Variants in ITGBL1 observed in about 807,000 individuals in gnomAD.
ITGBL1 encodes the protein integrin subunit beta like 1.
Under a neutral mutation model 68.5 loss-of-function variants are expected in ITGBL1, and 51 were observed. The ratio of observed to expected loss-of-function variants is 0.74; its 90% CI spans 0.59 to 0.94. ITGBL1 has a LOEUF of 0.94. Among genes scored for constraint, ITGBL1 ranks in the 40% least tolerant of loss-of-function variants. The pLI, the probability that ITGBL1 is intolerant of heterozygous loss-of-function variation, is 0.00. For synonymous variants in ITGBL1, 209 were observed against 227.3 expected (o/e 0.92, Z 0.72); for missense variants, 649 against 647.4 (o/e 1.00, Z -0.03).
chr13:101,553,285 A>G (rs2049950671), intron 2 of ITGBL1, among the ~76,000 whole-genome samples: 1 of 152,130 alleles, frequency 6.6e-6, no homozygotes, highest in Non-Finnish European at 1.5e-5. Flanking sequence ...AATTTTCAGG[A>G]TGGCCCTGGG....
chr13:101,504,710 A>G (rs1351085123), intron 2 of ITGBL1, among the ~76,000 whole-genome samples: 4 of 152,156 alleles, frequency 2.6e-5, no homozygotes, highest in Admixed American at 2.6e-4. Flanking sequence ...TATTCTGTGG[A>G]AAGATAATTT....
intron 7 of ITGBL1, among the ~76,000 whole-genome samples, chr13:101,671,880 T>C (rs1213987635): frequency 6.6e-6 from 1 of 152,214 alleles, no homozygotes; most frequent in Non-Finnish European, 1.5e-5. Context: ...AGAATCTGCT[T>C]TCTTTATAAC....
At chr13:101,550,225 T>TAAAC (rs2049898266) in intron 2 of ITGBL1, among the ~76,000 whole-genome samples, 1 of 152,206 alleles carries the variant, frequency 6.6e-6, no homozygotes, top group African/African-American at 2.4e-5. Flanking sequence ...TTTTCATGGC[T>TAAAC]GTTTGTTCAG....
chr13:101,608,505 G>C (rs1003561863), intron 7 of ITGBL1, among the ~76,000 whole-genome samples: 1 of 151,830 alleles, frequency 6.6e-6, no homozygotes, highest in Non-Finnish European at 1.5e-5. Flanking sequence ...AAATTTGGAA[G>C]TTCTCCAAAC....
intron 2 of ITGBL1, among the ~76,000 whole-genome samples, chr13:101,539,110 G>A (rs1244478826): frequency 7.7e-6 from 1 of 129,264 alleles, no homozygotes; most frequent in Non-Finnish European, 1.6e-5. Context: ...GTGCAAGTTA[G>A]TTACATATGT....
intron 6 of ITGBL1, among the ~76,000 whole-genome samples, chr13:101,595,174 C>A (rs1235044557): frequency 6.6e-6 from 1 of 152,172 alleles, no homozygotes; most frequent in Non-Finnish European, 1.5e-5. Context: ...AGCTTCTGTT[C>A]CTGGTGAGGT....
At chr13:101,563,224 C>T in intron 2 of ITGBL1, among the ~76,000 whole-genome samples, 1 of 150,748 alleles carries the variant, frequency 6.6e-6, no homozygotes, top group Middle Eastern at 3.5e-3. Flanking sequence ...TTAATTTATA[C>T]TTCTACCCTA....
At chr13:101,497,435 C>T (rs977149856) in intron 2 of ITGBL1, among the ~76,000 whole-genome samples, 1 of 152,162 alleles carries the variant, frequency 6.6e-6, no homozygotes, top group African/African-American at 2.4e-5. Context: ...CTTTTCCCTT[C>T]TACTCACCCC....
chr13:101,635,543 C>T (rs920073931), intron 7 of ITGBL1, among the ~76,000 whole-genome samples: 2 of 151,818 alleles, frequency 1.3e-5, no homozygotes, highest in Admixed American at 6.6e-5. Context: ...ATTATTTGCT[C>T]GTAGAGTCAA....
At chr13:101,580,563 A>G (rs2050439760) in intron 5 of ITGBL1, among the ~76,000 whole-genome samples, 1 of 152,134 alleles carries the variant, frequency 6.6e-6, no homozygotes, top group African/African-American at 2.4e-5. Context: ...TACATTAGGT[A>G]TATCTCCTAA....
At chr13:101,515,333 A>T (rs2049178461) in intron 2 of ITGBL1, among the ~76,000 whole-genome samples, 2 of 146,432 alleles carry the variant, frequency 1.4e-5, no homozygotes, top group Admixed American at 1.4e-4. Context: ...AACCCCGGGT[A>T]TTTTTTTTTT....
At chr13:101,472,593 G>A (rs912579358) in intron 2 of ITGBL1, among the ~76,000 whole-genome samples, 1 of 152,144 alleles carries the variant, frequency 6.6e-6, no homozygotes, top group Non-Finnish European at 1.5e-5. Flanking sequence ...TACTTGAGAA[G>A]AAAGGAAAAC....
chr13:101,473,472 A>C (rs1167365124), intron 2 of ITGBL1, among the ~76,000 whole-genome samples: 1 of 152,238 alleles, frequency 6.6e-6, no homozygotes, highest in Non-Finnish European at 1.5e-5. Context: ...AGCCCTAGCC[A>C]GAGCGGAATC....
At chr13:101,553,170 T>G (rs1253815307) in intron 2 of ITGBL1, among the ~76,000 whole-genome samples, 3 of 152,232 alleles carry the variant, frequency 2.0e-5, no homozygotes, top group African/African-American at 7.2e-5. Context: ...GCTGTGTGTT[T>G]CATTATATGG....
At chr13:101,613,711 A>G (rs2031234939) in intron 7 of ITGBL1, among the ~76,000 whole-genome samples, 1 of 152,028 alleles carries the variant, frequency 6.6e-6, no homozygotes, top group Admixed American at 6.6e-5. Flanking sequence ...CATGGAGGAG[A>G]TGAGGGCACT....
intron 2 of ITGBL1, among the ~76,000 whole-genome samples, chr13:101,559,389 A>G (rs761679371): frequency 6.6e-6 from 1 of 152,358 alleles, no homozygotes; most frequent in Admixed American, 6.5e-5. Context: ...GAAGTAGGTC[A>G]AGAAAAATTT....
intron 2 of ITGBL1, among the ~76,000 whole-genome samples, chr13:101,499,759 G>A (rs1030146940): frequency 3.3e-5 from 5 of 152,178 alleles, no homozygotes; most frequent in Non-Finnish European, 7.4e-5. Flanking sequence ...CTTTAAAAAA[G>A]GAGAGAGATT....
intron 8 of ITGBL1, among the ~76,000 whole-genome samples, chr13:101,694,578 C>G (rs2033960982): frequency 6.6e-6 from 1 of 151,676 alleles, no homozygotes; most frequent in Non-Finnish European, 1.5e-5. Context: ...CACATACCAC[C>G]ACAGCTGGCT....
chr13:101,532,785 T>C (rs2049506596), intron 2 of ITGBL1, among the ~76,000 whole-genome samples: 1 of 152,170 alleles, frequency 6.6e-6, no homozygotes, highest in South Asian at 2.1e-4. Context: ...ATAAGGATGA[T>C]TGTAATTATC....
Sources: gnomAD v4.1 joint callset for allele counts (sites outside exome capture counted in the v4.1 genomes callset) on GRCh38, gnomAD v4.1.1 for gene constraint, MANE v1.5 for transcripts, NCBI Gene and HGNC (gene_info 2026-07-23, HGNC 2026-07-21) for gene names.